The following MAP3K13 variants were observed in gnomAD, a reference collection of about 807,000 sequenced individuals.
MAP3K13 encodes mitogen-activated protein kinase kinase kinase 13, also known as leucine zipper-bearing kinase.
In MAP3K13, 52 loss-of-function variants were observed where a neutral mutation model predicts 104.0. The observed-to-expected ratio is 0.50, with a 90% CI of 0.40 to 0.63. The LOEUF is 0.63. MAP3K13 is among the 20% of genes least tolerant of loss of function. The pLI is 0.00. For synonymous variants in MAP3K13, 394 were observed against 442.2 expected, an observed-to-expected ratio of 0.89 and a Z score of 1.37; for missense variants, 914 against 1,218.5, an observed-to-expected ratio of 0.75 and a Z score of 3.72.
intron 1 of MAP3K13, among the ~76,000 whole-genome samples, chr3:185,389,772 A>AT (rs1311813938): frequency 6.9e-6 from 1 of 145,558 alleles, no homozygotes; most frequent in Non-Finnish European, 1.5e-5. Flanking sequence ...TATTTACCAT[A>AT]TTAGAAACTA....
At chr3:185,348,495 G>A (rs1723015912) in intron 2 of MAP3K13, among the ~76,000 whole-genome samples, 1 of 152,128 alleles carries the variant, frequency 6.6e-6, no homozygotes, top group Non-Finnish European at 1.5e-5. Flanking sequence ...AGTTAGACAA[G>A]CATTTTCTGT....
chr3:185,396,495 G>T (rs1397916330), intron 1 of MAP3K13, among the ~76,000 whole-genome samples: 1 of 152,128 alleles, frequency 6.6e-6, no homozygotes. Flanking sequence ...TAAGGAAAGG[G>T]TAATACACCT....
At chr3:185,305,660 G>A (rs758846165) in intron 2 of MAP3K13, among the ~76,000 whole-genome samples, 4 of 151,864 alleles carry the variant, frequency 2.6e-5, no homozygotes, top group East Asian at 1.9e-4. Context: ...ACTTCCTTTC[G>A]CATTTCTTGT....
intron 2 of MAP3K13, among the ~76,000 whole-genome samples, chr3:185,333,792 G>T (rs1026653794): frequency 6.6e-6 from 1 of 152,200 alleles, no homozygotes; most frequent in Admixed American, 6.5e-5. Flanking sequence ...GGTGGCCCAT[G>T]CCTATAAACC....
At chr3:185,316,965 A>G (rs1175082635) in intron 2 of MAP3K13, among the ~76,000 whole-genome samples, 2 of 152,194 alleles carry the variant, frequency 1.3e-5, no homozygotes, top group East Asian at 3.8e-4. Context: ...AAGACTTGTA[A>G]TATTGAAAAT....
At chr3:185,403,967 G>C (rs993905345) in intron 1 of MAP3K13, among the ~76,000 whole-genome samples, 3 of 152,160 alleles carry the variant, frequency 2.0e-5, no homozygotes, top group Non-Finnish European at 4.4e-5. Context: ...CTGAAGAATA[G>C]GACTAAAATA....
intron 1 of MAP3K13, among the ~76,000 whole-genome samples, chr3:185,426,742 A>G (rs1714443565): frequency 6.6e-6 from 1 of 151,854 alleles, no homozygotes; most frequent in South Asian, 2.1e-4. Context: ...CACCTGTAAT[A>G]CCTTCCCCCT....
At chr3:185,319,486 G>T (rs1167850531) in intron 2 of MAP3K13, among the ~76,000 whole-genome samples, 1 of 152,360 alleles carries the variant, frequency 6.6e-6, no homozygotes, top group South Asian at 2.1e-4. Flanking sequence ...GAACTAGAGA[G>T]CTGAGTTCCA....
intron 1 of MAP3K13, among the ~76,000 whole-genome samples, chr3:185,411,781 CTTTT>C (rs67723912): frequency 1.1e-5 from 1 of 94,022 alleles, no homozygotes; most frequent in Admixed American, 1.1e-4. Flanking sequence ...GCAGTTATGT[CTTTT>C]TTTTTTTTTT....
intron 4 of MAP3K13, among the ~76,000 whole-genome samples, chr3:185,444,552 G>A (rs999760339): frequency 9.9e-5 from 15 of 152,014 alleles, no homozygotes; most frequent in African/African-American, 3.6e-4. Context: ...AATAAACACT[G>A]GCTATGTAAG....
At position 185,482,544 on chromosome 3, in the gene MAP3K13, A is replaced by G; in HGVS notation, c.*88A>G. 2 of 988,936 alleles carry G rather than the reference A, an allele frequency of 2.0e-6. No individual in the cohort carries two copies. The highest frequency in any genetic ancestry group is 3.2e-6 in the Non-Finnish European group (2 of 634,916). The allele number at this position is 988,936 out of a possible 1,614,324, so 61.3% of individuals were successfully genotyped here. A position where few individuals can be genotyped will look rare whatever the true frequency, so the allele number is the denominator to read the frequency against. On this transcript the variant is annotated 3_prime_UTR_variant, in exon 14 of 14. Coordinates refer to ENST00000265026, the MANE Select transcript of MAP3K13 (RefSeq NM_004721.5). The surrounding 1 kb of genome is among the most constrained non-coding windows in gnomAD (Gnocchi z 4.5). ...CAGACTCATCCCACTCTCTCCCAGC[A>G]TTTTGTCTGGGAAGAGAGACTACCC...
intron 2 of MAP3K13, among the ~76,000 whole-genome samples, chr3:185,348,430 A>G (rs551270463): frequency 7.2e-5 from 11 of 152,328 alleles, no homozygotes; most frequent in Middle Eastern, 3.4e-3. Context: ...TTTAGGCCCA[A>G]TACATCTCTC....
At chr3:185,424,456 G>A (rs1325882126) in intron 1 of MAP3K13, among the ~76,000 whole-genome samples, 1 of 152,202 alleles carries the variant, frequency 6.6e-6, no homozygotes, top group Non-Finnish European at 1.5e-5. Context: ...TTACTTTAGA[G>A]AAATTTCTTC....
intron 1 of MAP3K13, 123 bp from the exon 2 acceptor site, chr3:185,428,374 A>T: frequency 1.9e-6 from 1 of 525,492 alleles, no homozygotes; most frequent in Non-Finnish European, 3.2e-6. Context: ...CATTTCCATC[A>T]CATGGACTAA....
At chr3:185,363,100 T>C (rs4072073), upstream of MAP3K13, 816,852 of 984,454 alleles carry the variant, frequency 0.83, 344,223 homozygotes, top group Non-Finnish European at 0.86. Flanking sequence ...GCCTATTGGC[T>C]GGGCCTACTC....
intron 1 of MAP3K13, among the ~76,000 whole-genome samples, chr3:185,383,146 AATG>A (rs1711503065): frequency 6.7e-6 from 1 of 150,364 alleles, no homozygotes; most frequent in Non-Finnish European, 1.5e-5. Flanking sequence ...GTTTACTGAG[AATG>A]ATGATTTCCA....
intron 2 of MAP3K13, among the ~76,000 whole-genome samples, chr3:185,350,484 G>A (rs1252579046): frequency 6.6e-6 from 1 of 152,178 alleles, no homozygotes; most frequent in African/African-American, 2.4e-5. Flanking sequence ...ACTGCGCCTG[G>A]CTTCCTATGA....
In MAP3K13 at chr3:185,418,600, T is replaced by C. The variant is rs1713940497; in HGVS notation, c.-85-9897T>C. ...ACCCCAAGACTCAGCACTGGTCTGATGACCTGCTAATTCACTGGCAGCGTA... is the reference window on the plus strand; with the variant it reads ...ACCCCAAGACTCAGCACTGGTCTGACGACCTGCTAATTCACTGGCAGCGTA... On this transcript the variant is annotated intron_variant, in intron 1 of 13. Transcript: ENST00000265026. The surrounding 1 kb of genome is among the most constrained non-coding windows in gnomAD (Gnocchi z 4.5). 2 of 1,612,346 alleles carry C rather than the reference T, an allele frequency of 1.2e-6. No homozygotes were observed. The highest frequency in any genetic ancestry group is 1.7e-6 in the Non-Finnish European group (2 of 1,179,680).
intron 2 of MAP3K13, among the ~76,000 whole-genome samples, chr3:185,316,091 GA>G (rs562871070): frequency 2.2e-4 from 33 of 151,748 alleles, no homozygotes; most frequent in Middle Eastern, 3.4e-3. Flanking sequence ...CCTTTGCATT[GA>G]AAAAAAATTA....
Sources: allele counts gnomAD v4.1 joint callset (sites outside exome capture counted in the v4.1 genomes callset), GRCh38; gene constraint gnomAD v4.1.1; non-coding constraint Gnocchi (gnomAD v3.1); transcripts MANE v1.5; gene names NCBI Gene and HGNC (gene_info 2026-07-23, HGNC 2026-07-21).